The following SBF2 variants were observed in gnomAD, a reference collection of about 807,000 sequenced individuals.
SBF2 encodes the protein myotubularin-related protein 13.
A neutral mutation model predicts 225.2 loss-of-function variants in SBF2; 112 were observed. The ratio of observed to expected loss-of-function variants is 0.50; its 90% CI spans 0.43 to 0.58. The LOEUF (loss-of-function observed/expected upper bound fraction) is 0.58. SBF2 is among the 20% of genes least tolerant of loss of function. The probability of loss-of-function intolerance (pLI) is 0.00; values close to 1 mark genes in which losing one functional copy is unlikely to be tolerated. For synonymous variants in SBF2, 763 were observed against 773.3 expected (o/e 0.99, Z 0.22); for missense variants, 1,996 against 2,206.2 (o/e 0.90, Z 1.91).
chr11:10,288,040 C>T (rs1443913746), intron 1 of SBF2, among the ~76,000 whole-genome samples: 1 of 152,172 alleles, frequency 6.6e-6, no homozygotes, highest in African/African-American at 2.4e-5. Context: ...CCGGCCGGCA[C>T]CGGGGAATGT....
intron 13 of SBF2, among the ~76,000 whole-genome samples, chr11:9,989,247 G>T (rs1162337392): frequency 6.6e-6 from 1 of 152,068 alleles, no homozygotes; most frequent in Non-Finnish European, 1.5e-5. Context: ...AAGCTATGAG[G>T]ACGCAAAGAC....
At chr11:10,243,787 G>A (rs932996964) in intron 1 of SBF2, among the ~76,000 whole-genome samples, 7 of 151,952 alleles carry the variant, frequency 4.6e-5, no homozygotes, top group African/African-American at 1.4e-4. Flanking sequence ...TAACAAATAC[G>A]GAGATTGAAT....
chr11:9,981,851 T>G (rs1467604660), intron 13 of SBF2, among the ~76,000 whole-genome samples: 1 of 152,212 alleles, frequency 6.6e-6, no homozygotes, highest in Non-Finnish European at 1.5e-5. Context: ...TTTTGTTTAC[T>G]AAAGTCAGGA....
At chr11:10,004,813 G>C (rs1350289914) in intron 6 of SBF2, among the ~76,000 whole-genome samples, 1 of 152,102 alleles carries the variant, frequency 6.6e-6, no homozygotes, top group Non-Finnish European at 1.5e-5. Flanking sequence ...TCAGTAAAAG[G>C]CTAATCAGAG....
At chr11:10,074,166 G>C (rs1951004629) in intron 2 of SBF2, among the ~76,000 whole-genome samples, 1 of 152,166 alleles carries the variant, frequency 6.6e-6, no homozygotes, top group Admixed American at 6.5e-5. Context: ...GTGACCCAGA[G>C]TTAACGATTG....
chr11:10,209,315 T>G, intron 1 of SBF2, among the ~76,000 whole-genome samples: 1 of 151,926 alleles, frequency 6.6e-6, no homozygotes, highest in East Asian at 1.9e-4. Flanking sequence ...ATTTGTTTTT[T>G]TTTTTTTCCC....
intron 6 of SBF2, among the ~76,000 whole-genome samples, chr11:10,014,303 G>A (rs1948563361): frequency 6.6e-6 from 1 of 152,048 alleles, no homozygotes; most frequent in Non-Finnish European, 1.5e-5. Context: ...ACATGCATAT[G>A]TATTTGAGAA....
At chr11:10,110,859 T>C (rs910706304) in intron 2 of SBF2, among the ~76,000 whole-genome samples, 2 of 152,170 alleles carry the variant, frequency 1.3e-5, no homozygotes, top group Non-Finnish European at 2.9e-5. Context: ...GAAAAGAATG[T>C]ACACATATAC....
At chr11:10,237,400 T>C (rs181262295) in intron 1 of SBF2, among the ~76,000 whole-genome samples, 211 of 152,246 alleles carry the variant, frequency 1.4e-3, no homozygotes, top group African/African-American at 5.0e-3. Flanking sequence ...AAGGGAGTGT[T>C]GTTAAATACC....
intron 1 of SBF2, among the ~76,000 whole-genome samples, chr11:10,206,321 C>A (rs1409163659): frequency 2.0e-5 from 3 of 150,528 alleles, no homozygotes; most frequent in Non-Finnish European, 4.4e-5. Context: ...CCAAGAAAAT[C>A]AAAATAACAC....
At chr11:9,833,538 A>C (rs1327410732) in intron 26 of SBF2, among the ~76,000 whole-genome samples, 2 of 149,782 alleles carry the variant, frequency 1.3e-5, no homozygotes, top group Non-Finnish European at 3.0e-5. Flanking sequence ...CTCCTGCCTC[A>C]GCCTCCCGAG....
intron 32 of SBF2, 137 bp from the exon 33 acceptor site, chr11:9,796,094 AG>A (rs1451836387): frequency 1.2e-6 from 1 of 865,874 alleles, no homozygotes; most frequent in Non-Finnish European, 1.8e-6. Context: ...CCCTACCATA[AG>A]TAGAGATGGG....
At chr11:9,852,116 C>T (rs1857000809) in intron 21 of SBF2, among the ~76,000 whole-genome samples, 1 of 152,130 alleles carries the variant, frequency 6.6e-6, no homozygotes, top group Non-Finnish European at 1.5e-5. Flanking sequence ...GTTATATAGG[C>T]AAGAGGGTCC....
chr11:10,208,868 T>C (rs1335996218), intron 1 of SBF2, among the ~76,000 whole-genome samples: 1 of 152,140 alleles, frequency 6.6e-6, no homozygotes, highest in Non-Finnish European at 1.5e-5. Flanking sequence ...GACTTAACTG[T>C]ACCACTTTCA....
intron 2 of SBF2, among the ~76,000 whole-genome samples, chr11:10,136,816 T>C (rs888272740): frequency 3.9e-5 from 6 of 152,214 alleles, no homozygotes; most frequent in Non-Finnish European, 7.3e-5. Flanking sequence ...AAAGAAACTG[T>C]TTTTCTTTTA....
At chr11:10,159,900 AC>A (rs984824656) in intron 2 of SBF2, among the ~76,000 whole-genome samples, 7 of 151,518 alleles carry the variant, frequency 4.6e-5, no homozygotes, top group Non-Finnish European at 8.8e-5. Context: ...AAAAAAAAAA[AC>A]CTCTGCCCCC....
At chr11:10,050,406 T>A (rs1418664463) in intron 2 of SBF2, among the ~76,000 whole-genome samples, 4 of 152,154 alleles carry the variant, frequency 2.6e-5, no homozygotes, top group Middle Eastern at 3.2e-3. Flanking sequence ...ACCCTGTATG[T>A]ACTATGTATG....
At chr11:9,966,252 C>G (rs941992918) in intron 14 of SBF2, among the ~76,000 whole-genome samples, 15 of 152,162 alleles carry the variant, frequency 9.9e-5, no homozygotes, top group African/African-American at 3.6e-4. Context: ...CCACGCCTGG[C>G]TAATTTTTTG....
intron 16 of SBF2, among the ~76,000 whole-genome samples, chr11:9,934,671 T>C (rs1864748972): frequency 6.6e-6 from 1 of 152,186 alleles, no homozygotes; most frequent in Non-Finnish European, 1.5e-5. Flanking sequence ...TCAATAAATG[T>C]AATCTATCAC....
Sources: allele counts gnomAD v4.1 joint callset (sites outside exome capture counted in the v4.1 genomes callset), GRCh38; gene constraint gnomAD v4.1.1; transcripts MANE v1.5; gene names NCBI Gene and HGNC (gene_info 2026-07-23, HGNC 2026-07-21).